Variants in PRDM11 observed in about 807,000 individuals in gnomAD.
PRDM11 encodes PR domain-containing protein 11.
In PRDM11, 20 loss-of-function variants were observed where a neutral mutation model predicts 97.8. The observed-to-expected ratio is 0.20, with a 90% CI of 0.14 to 0.30. PRDM11 has a LOEUF of 0.30. Ranked by LOEUF, PRDM11 falls within the 10% of genes least tolerant of loss-of-function variation. The pLI is 1.00. For missense variants in PRDM11, 1,139 were observed against 1,555.2 expected, an observed-to-expected ratio of 0.73 and a Z score of 4.50; for synonymous variants, 599 against 637.7, an observed-to-expected ratio of 0.94 and a Z score of 0.91.
chr11:45,113,825 T>C (rs1852241887), intron 1 of PRDM11, among the ~76,000 whole-genome samples: 1 of 105,452 alleles, frequency 9.5e-6, no homozygotes, highest in Non-Finnish European at 2.1e-5. Context: ...TGTGTGTGTG[T>C]TTTGTTTTTT....
intron 1 of PRDM11, among the ~76,000 whole-genome samples, chr11:45,128,893 C>T (rs908957468): frequency 6.6e-6 from 1 of 152,104 alleles, no homozygotes; most frequent in Non-Finnish European, 1.5e-5. Flanking sequence ...AGGCCAATAT[C>T]ACTCATAAGC....
In PRDM11 at chr11:45,219,596, G is replaced by A. The variant is rs151017795; in HGVS notation, c.581G>A (p.Arg194Lys). The A allele has an allele frequency of 3.7e-6, 6 of 1,613,960 alleles. No individual in the cohort carries two copies. The African/African-American group carries it at 8.0e-5, about 22-fold the overall frequency. Residue 194 changes from arginine to lysine, a missense_variant, in exon 6 of 8, where the codon AGG (arginine) becomes AAG (lysine). Arg to Lys is a conservative substitution (Grantham distance 26). This residue lies in a region of PRDM11 where 429 missense variants were observed against 510.3 expected (regional missense o/e 0.84). Transcript: ENST00000683152. This position sits in a 1 kb window ranked among gnomAD's most constrained non-coding sequence, Gnocchi z 4.2. ...MRYVVISREE[R>K]EQNLLAFQHS... ...TACGTGGTCATCTCCCGGGAGGAGA[G>A]GGAGCAGAACCTGCTGGCGTTCCAG... is the stretch of plus-strand genomic sequence containing the variant.
At position 45,226,921 on chromosome 11, in the gene PRDM11, C is replaced by G; in HGVS notation, c.2296C>G (p.His766Asp). The G allele has an allele frequency of 6.5e-7, 1 of 1,533,958 alleles. No homozygotes were observed. Among genetic ancestry groups the G allele is most frequent in the South Asian group, 1.2e-5 (1 of 83,972 alleles). The stretch of plus-strand genomic sequence containing the variant: ...CCTGCCCTTCATGGTGCACCGGCCC[C>G]ACCTGGAGATCCTGGATGCCATCAG... ...LCLPFMVHRP[H>D]LEILDAISGK... Residue 766 changes from histidine to aspartate, a missense_variant, in exon 8 of 8, where the codon CAC becomes GAC. This residue lies in a region of PRDM11 where 710 missense variants were observed against 1,044.9 expected (regional missense o/e 0.68). Transcript: ENST00000683152.
At chr11:45,180,564 G>A (rs1172063585) in intron 1 of PRDM11, among the ~76,000 whole-genome samples, 1 of 151,554 alleles carries the variant, frequency 6.6e-6, no homozygotes, top group East Asian at 1.9e-4. Context: ...CCGGGCGCCC[G>A]CTTCCTCCCG....
chr11:45,103,316 CAGCAAATGGGGGGACTGGTGAAGG>C (rs1250393955), intron 1 of PRDM11, among the ~76,000 whole-genome samples: 1 of 152,056 alleles, frequency 6.6e-6, no homozygotes, highest in Admixed American at 6.5e-5. Context: ...TATGAAACTA[CAGCAAATGGGGGGACTGGTGAAGG>C]AGGAAAAGTT....
intron 1 of PRDM11, among the ~76,000 whole-genome samples, chr11:45,102,733 G>C (rs868599237): frequency 4.3e-4 from 66 of 152,334 alleles, no homozygotes; most frequent in African/African-American, 1.5e-3. Context: ...TGGCCGCCCT[G>C]GTGGATGCTG....
At chr11:45,200,194 C>T (rs982239031) in intron 4 of PRDM11, among the ~76,000 whole-genome samples, 1 of 152,196 alleles carries the variant, frequency 6.6e-6, no homozygotes, top group African/African-American at 2.4e-5. Context: ...CCAAAAACAC[C>T]TGTCAGAAAA....
At chr11:45,184,563 A>G (rs757039574) in intron 4 of PRDM11, among the ~76,000 whole-genome samples, 39 of 152,284 alleles carry the variant, frequency 2.6e-4, no homozygotes, top group South Asian at 1.7e-3. Context: ...TTAGACATAG[A>G]CTAACTGGCC....
chr11:45,197,885 G>A (rs560925222), intron 4 of PRDM11, among the ~76,000 whole-genome samples: 21 of 152,262 alleles, frequency 1.4e-4, no homozygotes, highest in African/African-American at 4.8e-4. Context: ...GTGCGGGGAA[G>A]GGGGAGGGAT....
At position 45,219,702 on chromosome 11, in the gene PRDM11, C is replaced by T. The variant is rs1854061538; in HGVS notation, c.687C>T (p.Tyr229=). Residue 229 remains tyrosine (Y), a synonymous_variant, in exon 6 of 8, where the codon TAC becomes TAT. Coordinates refer to ENST00000683152, the MANE Select transcript of PRDM11 (RefSeq NM_001384648.1). This position sits in a 1 kb window ranked among gnomAD's most constrained non-coding sequence, Gnocchi z 4.2. ...TGCGGGTCTGGTACAGCGAGGACTA[C>T]ATGAAGCGCCTGCACAGCATGTCCC... ...EWLRVWYSED[Y]MKRLHSMSQE... 6.2e-7 allele frequency: 1 copy of T among 1,613,974 alleles called. No individual in the cohort carries two copies. Among genetic ancestry groups the T allele is most frequent in the Admixed American group, 1.7e-5 (1 of 60,016 alleles).
chr11:45,168,754 G>A (rs921532914), intron 1 of PRDM11, among the ~76,000 whole-genome samples: 5 of 152,182 alleles, frequency 3.3e-5, no homozygotes, highest in African/African-American at 4.8e-5. Context: ...TCCAGCACCC[G>A]GCAAGTGGTC....
chr11:45,183,646 A>G (rs1049560683), intron 4 of PRDM11, among the ~76,000 whole-genome samples: 1 of 152,220 alleles, frequency 6.6e-6, no homozygotes, highest in Admixed American at 6.5e-5. Flanking sequence ...GTTGCAACAC[A>G]GGGTACTATC....
chr11:45,179,957 A>G (rs1427660435), intron 1 of PRDM11, among the ~76,000 whole-genome samples: 1 of 152,232 alleles, frequency 6.6e-6, no homozygotes, highest in Admixed American at 6.5e-5. Context: ...ACAAATCCAC[A>G]GGGCCTTGCT....
intron 6 of PRDM11, among the ~76,000 whole-genome samples, chr11:45,222,644 G>A (rs999213449): frequency 6.6e-6 from 1 of 152,174 alleles, no homozygotes; most frequent in Non-Finnish European, 1.5e-5. Context: ...ATCCTGAATA[G>A]ATAACTCCCT....
intron 5 of PRDM11, among the ~76,000 whole-genome samples, chr11:45,211,905 A>G (rs1242614070): frequency 6.6e-6 from 1 of 152,194 alleles, no homozygotes; most frequent in East Asian, 1.9e-4. Flanking sequence ...AAGTGTGCAG[A>G]TTCCAGCAAG....
chr11:45,150,247 T>TGTGATTCA (rs1269405378), intron 1 of PRDM11, among the ~76,000 whole-genome samples: 47 of 152,170 alleles, frequency 3.1e-4, no homozygotes, highest in Non-Finnish European at 4.6e-4. Context: ...AGGGAAGCCC[T>TGTGATTCA]CCCTGATTAG....
intron 1 of PRDM11, among the ~76,000 whole-genome samples, chr11:45,139,871 T>C (rs1418201398): frequency 6.6e-6 from 1 of 152,172 alleles, no homozygotes; most frequent in East Asian, 1.9e-4. Flanking sequence ...ATCAGTGTTT[T>C]AGAAATGGAG....
intron 1 of PRDM11, among the ~76,000 whole-genome samples, chr11:45,108,825 C>T (rs971196326): frequency 6.6e-6 from 1 of 152,252 alleles, no homozygotes; most frequent in African/African-American, 2.4e-5. Flanking sequence ...CAAGAATTAA[C>T]ACATGCACCC....
intron 1 of PRDM11, among the ~76,000 whole-genome samples, chr11:45,167,799 ACACG>A (rs994038144): frequency 4.8e-5 from 6 of 125,540 alleles, no homozygotes; most frequent in Non-Finnish European, 1.1e-4. Flanking sequence ...ACACACACAC[ACACG>A]CCATACTCGT....
Sources: allele counts gnomAD v4.1 joint callset (sites outside exome capture counted in the v4.1 genomes callset), GRCh38; gene constraint gnomAD v4.1.1; regional missense constraint gnomAD v4.1.1; non-coding constraint Gnocchi (gnomAD v3.1); transcripts MANE v1.5; gene names NCBI Gene and HGNC (gene_info 2026-07-23, HGNC 2026-07-21).